Variants in MRAP2 observed in about 807,000 individuals in gnomAD.
The protein encoded by MRAP2 is melanocortin 2 receptor accessory protein 2, also known as melanocortin-2 receptor accessory protein 2.
MRAP2 carries 20 observed loss-of-function variants against 17.4 expected under a neutral mutation model. The ratio of observed to expected loss-of-function variants is 1.15; its 90% confidence interval spans 0.81 to 1.67. The LOEUF (loss-of-function observed/expected upper bound fraction) is 1.67, where lower values mean the gene tolerates loss of function less well. MRAP2 is among the 40% of genes most tolerant of loss of function. The probability of loss-of-function intolerance (pLI) is 0.00; values close to 1 mark genes in which losing one functional copy is unlikely to be tolerated. For missense variants in MRAP2, 238 were observed against 240.0 expected (o/e 0.99, Z 0.05); for synonymous variants, 96 against 88.4 (o/e 1.09, Z -0.48).
chr6:84,048,101 A>G (rs2099489501), intron 1 of MRAP2, among the ~76,000 whole-genome samples: 1 of 152,164 alleles, frequency 6.6e-6, no homozygotes. Flanking sequence ...TATCTGTTCA[A>G]GTCTCTGCTT....
chr6:84,033,932 C>T (rs147251628), intron 1 of MRAP2, 49 bp downstream of exon 1: 47,283 of 985,088 alleles, frequency 0.048, 1,186 homozygotes, highest in Non-Finnish European at 0.054. Flanking sequence ...AGCCCGGGCG[C>T]TGGGTGCGGG....
intron 1 of MRAP2, among the ~76,000 whole-genome samples, chr6:84,034,255 G>A (rs975517300): frequency 5.9e-5 from 9 of 152,044 alleles, no homozygotes; most frequent in Non-Finnish European, 8.8e-5. Flanking sequence ...TCCTTGCTGC[G>A]GCCCTCCTGC....
At chr6:84,092,793 C>A (rs907942168), downstream of MRAP2, among the ~76,000 whole-genome samples, 4 of 152,088 alleles carry the variant, frequency 2.6e-5, no homozygotes, top group Non-Finnish European at 5.9e-5. Flanking sequence ...TTTCAATCCC[C>A]ATTTGGTTGA....
chr6:84,077,561 G>A (rs930424699), intron 3 of MRAP2, among the ~76,000 whole-genome samples: 5 of 152,152 alleles, frequency 3.3e-5, no homozygotes, highest in Non-Finnish European at 5.9e-5. Context: ...ATATACTTAG[G>A]TCTTCTTCAA....
At chr6:84,119,896 C>T in the MRAP2 span, among the ~76,000 whole-genome samples, 1 of 152,164 alleles carries the variant, frequency 6.6e-6, no homozygotes, top group Non-Finnish European at 1.5e-5. Flanking sequence ...AAGTTCTGTT[C>T]CTCTAGCATA....
downstream of MRAP2, among the ~76,000 whole-genome samples, chr6:84,093,188 T>C (rs2099502062): frequency 1.3e-5 from 2 of 152,190 alleles, no homozygotes; most frequent in African/African-American, 4.8e-5. Flanking sequence ...CCTGGGTTCT[T>C]GTAATCTTCC....
the MRAP2 span, among the ~76,000 whole-genome samples, chr6:84,112,672 CT>C: frequency 1.3e-5 from 2 of 152,018 alleles, no homozygotes; most frequent in Non-Finnish European, 2.9e-5. Flanking sequence ...GCTCTTGCCT[CT>C]CTAGTTCTTT....
chr6:84,135,566 C>T, the MRAP2 span, among the ~76,000 whole-genome samples: 1 of 152,156 alleles, frequency 6.6e-6, no homozygotes, highest in South Asian at 2.1e-4. Context: ...ATTTTTATTA[C>T]TTTAAACAAG....
At chr6:84,084,932 C>T (rs12154105) in intron 3 of MRAP2, among the ~76,000 whole-genome samples, 1,879 of 98,196 alleles carry the variant, frequency 0.019, 33 homozygotes, top group African/African-American at 0.067. Context: ...TTTTATTTTA[C>T]TTTATTTTAT....
At position 84,051,976 on chromosome 6, in the gene MRAP2, A is replaced by C. The variant is rs75675959; in HGVS notation, c.-7-3336A>C. On this transcript the variant is annotated intron_variant, in intron 1 of 3. Transcript: ENST00000257776. The stretch of plus-strand genomic sequence containing the variant: ...ACCCTGTGCACACCTGGAAAAGGTA[A>C]GCTTCCTTTCAGGGCTAGCTTTCGG... Among the ~76,000 whole-genome samples, 1,146 of 152,346 alleles carry C rather than the reference A, an allele frequency of 7.5e-3. 19 individuals carry two copies. Among genetic ancestry groups the C allele is most frequent in the African/African-American group, 0.026 (1,064 of 41,584 alleles).
chr6:84,036,603 A>G (rs2099486057), intron 1 of MRAP2, among the ~76,000 whole-genome samples: 1 of 152,110 alleles, frequency 6.6e-6, no homozygotes, highest in Non-Finnish European at 1.5e-5. Flanking sequence ...AGACCCAAAG[A>G]GTGAGCAGCA....
At chr6:84,033,407 G>T (rs1267390150), upstream of MRAP2, among the ~76,000 whole-genome samples, 1 of 152,164 alleles carries the variant, frequency 6.6e-6, no homozygotes, top group Non-Finnish European at 1.5e-5. Context: ...GGGGGCTCTG[G>T]CCTTACTGAA....
At chr6:84,111,734 G>A in the MRAP2 span, among the ~76,000 whole-genome samples, 1 of 152,182 alleles carries the variant, frequency 6.6e-6, no homozygotes, top group Admixed American at 6.5e-5. Context: ...GATATTGGCT[G>A]TGGGTTTGTC....
intron 1 of MRAP2, among the ~76,000 whole-genome samples, chr6:84,052,177 C>T (rs749329923): frequency 5.9e-5 from 9 of 152,246 alleles, no homozygotes; most frequent in East Asian, 3.9e-4. Flanking sequence ...AAGAAAATCT[C>T]GGTGCGGAGA....
At chr6:84,094,846 C>T (rs918086794), downstream of MRAP2, among the ~76,000 whole-genome samples, 10 of 152,034 alleles carry the variant, frequency 6.6e-5, no homozygotes, top group East Asian at 7.7e-4. Context: ...TGCGCACCAC[C>T]GCACCTGGCC....
chr6:84,089,050 G>T (rs1247889486), intron 3 of MRAP2, 41 bp from the exon 4 acceptor site: 1 of 1,557,528 alleles, frequency 6.4e-7, no homozygotes, highest in Non-Finnish European at 8.6e-7. Flanking sequence ...AGGTGAATGG[G>T]CTGGAGTGTA....
chr6:84,063,976 T>G, intron 3 of MRAP2, among the ~76,000 whole-genome samples: 1 of 149,958 alleles, frequency 6.7e-6, no homozygotes, highest in East Asian at 1.9e-4. Context: ...ACCTGGGAGG[T>G]GGAGGTTGCA....
chr6:84,117,955 C>T, the MRAP2 span, among the ~76,000 whole-genome samples: 1 of 152,164 alleles, frequency 6.6e-6, no homozygotes, highest in East Asian at 1.9e-4. Flanking sequence ...TTAGGAGGAA[C>T]GGGATCAGGG....
the MRAP2 span, among the ~76,000 whole-genome samples, chr6:84,137,061 A>C: frequency 1.3e-5 from 2 of 152,202 alleles, no homozygotes; most frequent in African/African-American, 4.8e-5. Context: ...GTTCTTGTGG[A>C]GCATGCGGCA....
Sources: gnomAD v4.1 joint callset for allele counts (sites outside exome capture counted in the v4.1 genomes callset) on GRCh38, gnomAD v4.1.1 for gene constraint, MANE v1.5 for transcripts, NCBI Gene and HGNC (gene_info 2026-07-23, HGNC 2026-07-21) for gene names.